AGBL4: variants seen among roughly 807,000 people sequenced by gnomAD.
AGBL4 encodes cytosolic carboxypeptidase 6.
A neutral mutation model predicts 66.4 loss-of-function variants in AGBL4; 58 were observed. That is an observed-to-expected ratio of 0.87 (90% CI 0.71 to 1.09). The LOEUF (loss-of-function observed/expected upper bound fraction) is 1.09. Among genes scored for constraint, AGBL4 ranks in the 50% least tolerant of loss-of-function variants. The probability of loss-of-function intolerance (pLI) is 0.00; values close to 1 mark genes in which losing one functional copy is unlikely to be tolerated. For missense variants in AGBL4, 579 were observed against 631.0 expected (o/e 0.92, Z 0.88); for synonymous variants, 234 against 222.9 (o/e 1.05, Z -0.44).
At chr1:48,916,951 C>T (rs1653636000) in intron 5 of AGBL4, among the ~76,000 whole-genome samples, 1 of 151,876 alleles carries the variant, frequency 6.6e-6, no homozygotes, top group African/African-American at 2.4e-5. Flanking sequence ...AATTTAAATT[C>T]TATTTGTATA....
chr1:49,056,003 A>G (rs536642475), intron 4 of AGBL4, among the ~76,000 whole-genome samples: 1 of 152,208 alleles, frequency 6.6e-6, no homozygotes, highest in African/African-American at 2.4e-5. Context: ...GTTACCTCAA[A>G]TTTAACCTGA....
intron 1 of AGBL4, among the ~76,000 whole-genome samples, chr1:49,930,579 TATC>T (rs1327635709): frequency 2.0e-5 from 3 of 152,146 alleles, no homozygotes; most frequent in African/African-American, 7.2e-5. Flanking sequence ...ACACATGATG[TATC>T]ATGATTAACT....
intron 3 of AGBL4, among the ~76,000 whole-genome samples, chr1:49,458,820 G>A (rs1207157039): frequency 2.6e-5 from 4 of 151,572 alleles, no homozygotes; most frequent in African/African-American, 9.7e-5. Flanking sequence ...GAGATGATCA[G>A]GTGATTTTTG....
intron 2 of AGBL4, chr1:49,846,346 G>C (rs1435715728): frequency 6.5e-7 from 1 of 1,534,970 alleles, no homozygotes; most frequent in East Asian, 2.3e-5. Flanking sequence ...ACTATGGAAA[G>C]ACCTTTACAC....
chr1:48,701,838 C>G lies in AGBL4; in HGVS notation c.635-38597G>C, dbSNP rs1204326129. ...ATAAAAATCCATAATTCTGAACTCT[C>G]AGTCTACTAGAGGAAATAGACATAA... On this transcript the variant is annotated intron_variant, in intron 6 of 13. Coordinates refer to ENST00000371839, the MANE Select transcript of AGBL4 (RefSeq NM_032785.4). Among the ~76,000 whole-genome samples, 9 of 152,210 alleles carry G rather than the reference C, an allele frequency of 5.9e-5. No individual in the cohort carries two copies. In the South Asian group the frequency reaches 1.7e-3, roughly 28 times the overall value.
chr1:48,827,861 A>T (rs925423445), intron 6 of AGBL4, among the ~76,000 whole-genome samples: 1 of 152,070 alleles, frequency 6.6e-6, no homozygotes, highest in Non-Finnish European at 1.5e-5. Context: ...GCTAGTAAGT[A>T]TTGAAAATGG....
At chr1:49,603,744 T>C (rs1034419458) in intron 3 of AGBL4, among the ~76,000 whole-genome samples, 3 of 151,934 alleles carry the variant, frequency 2.0e-5, no homozygotes, top group Non-Finnish European at 2.9e-5. Context: ...GTCTCCAGTG[T>C]CCATTATACC....
At chr1:49,006,582 A>G (rs975330718) in intron 5 of AGBL4, among the ~76,000 whole-genome samples, 4 of 152,140 alleles carry the variant, frequency 2.6e-5, no homozygotes, top group African/African-American at 9.6e-5. Context: ...CAGGGCACAG[A>G]CAAACAAAAA....
At chr1:50,010,490 A>ACG (rs1553160086) in intron 1 of AGBL4, among the ~76,000 whole-genome samples, 1 of 151,726 alleles carries the variant, frequency 6.6e-6, no homozygotes, top group Non-Finnish European at 1.5e-5. Flanking sequence ...ACACACACAC[A>ACG]CACACAACAG....
At chr1:48,555,779 A>G (rs1283784973) in intron 11 of AGBL4, among the ~76,000 whole-genome samples, 1 of 152,182 alleles carries the variant, frequency 6.6e-6, no homozygotes, top group Non-Finnish European at 1.5e-5. Context: ...GCCTGAGCTC[A>G]GGCACTCTCA....
chr1:49,818,327 G>GT (rs201673162), intron 2 of AGBL4, among the ~76,000 whole-genome samples: 31 of 149,996 alleles, frequency 2.1e-4, no homozygotes, highest in African/African-American at 6.6e-4. Context: ...AATCATATGG[G>GT]TTTTTTTTAG....
At chr1:49,056,193 A>C (rs1393304658) in intron 4 of AGBL4, among the ~76,000 whole-genome samples, 8 of 152,138 alleles carry the variant, frequency 5.3e-5, no homozygotes. Context: ...AAATTAAAAA[A>C]ATATATTGCC....
At chr1:48,570,721 ATGT>A (rs1644548495) in intron 11 of AGBL4, among the ~76,000 whole-genome samples, 1 of 152,192 alleles carries the variant, frequency 6.6e-6, no homozygotes, top group East Asian at 1.9e-4. Flanking sequence ...CATGCTGTAA[ATGT>A]TGTGCATTCC....
At chr1:49,546,020 C>A (rs2148830148) in intron 3 of AGBL4, among the ~76,000 whole-genome samples, 1 of 152,186 alleles carries the variant, frequency 6.6e-6, no homozygotes, top group Admixed American at 6.6e-5. Flanking sequence ...AGTCTCTTAT[C>A]CCTTGCCTCC....
chr1:49,196,871 G>A lies in AGBL4; in HGVS notation c.377+48899C>T, dbSNP rs150328371. On this transcript the variant is annotated intron_variant, in intron 4 of 13. Coordinates refer to ENST00000371839, the MANE Select transcript of AGBL4 (RefSeq NM_032785.4). Reference sequence around the variant, plus strand: ...AGACAGGATCCCACTCTTTTGCTCAGGCAGGAATACAGTGGCATGATCTTG... The same window carrying A: ...AGACAGGATCCCACTCTTTTGCTCAAGCAGGAATACAGTGGCATGATCTTG... Among the ~76,000 whole-genome samples, 779 of 152,134 alleles carry A rather than the reference G, an allele frequency of 5.1e-3. 5 individuals carry two copies. Among genetic ancestry groups the A allele is most frequent in the Middle Eastern group, 0.017 (5 of 294 alleles).
chr1:49,242,397 C>T (rs905591740), intron 4 of AGBL4, among the ~76,000 whole-genome samples: 1 of 151,932 alleles, frequency 6.6e-6, no homozygotes, highest in Admixed American at 6.6e-5. Flanking sequence ...CTCCTTCTTC[C>T]AACATCCCCA....
intron 4 of AGBL4, among the ~76,000 whole-genome samples, chr1:49,116,118 ATAAGTATGTTTTT>A (rs1239051849): frequency 2.0e-5 from 3 of 152,194 alleles, no homozygotes; most frequent in Non-Finnish European, 2.9e-5. Flanking sequence ...AAATCTCTGT[ATAAGTATGTTTTT>A]TAAAGCTCTT....
intron 6 of AGBL4, among the ~76,000 whole-genome samples, chr1:48,747,301 G>T (rs944977574): frequency 7.2e-5 from 11 of 152,150 alleles, no homozygotes; most frequent in African/African-American, 2.4e-4. Flanking sequence ...CACACTTGAG[G>T]TTTATTTTGG....
At chr1:49,398,854 G>A (rs1052748131) in intron 3 of AGBL4, among the ~76,000 whole-genome samples, 1 of 151,978 alleles carries the variant, frequency 6.6e-6, no homozygotes, top group African/African-American at 2.4e-5. Flanking sequence ...CAATCCAATT[G>A]TACTCTTTTA....
Sources: gnomAD v4.1 joint callset for allele counts (sites outside exome capture counted in the v4.1 genomes callset) on GRCh38, gnomAD v4.1.1 for gene constraint, MANE v1.5 for transcripts, NCBI Gene and HGNC (gene_info 2026-07-23, HGNC 2026-07-21) for gene names.